Variants in AASS observed in about 807,000 individuals in gnomAD.
AASS encodes the protein aminoadipate-semialdehyde synthase.
AASS carries 86 observed loss-of-function variants against 105.4 expected under a neutral mutation model. The ratio of observed to expected loss-of-function variants is 0.82; its 90% CI spans 0.69 to 0.98. The LOEUF (loss-of-function observed/expected upper bound fraction) is 0.98, where lower values mean the gene tolerates loss of function less well. Among genes scored for constraint, AASS ranks in the 50% least tolerant of loss-of-function variants. AASS has a pLI of 0.00. For synonymous variants in AASS, 381 were observed against 394.8 expected (o/e 0.96, Z 0.41); for missense variants, 1,048 against 1,143.2 (o/e 0.92, Z 1.20).
intron 3 of AASS, among the ~76,000 whole-genome samples, chr7:122,127,035 A>T (rs1795688200): frequency 6.6e-6 from 1 of 152,150 alleles, no homozygotes; most frequent in Non-Finnish European, 1.5e-5. Context: ...CCAAGCACAG[A>T]TATTTTTCTC....
chr7:122,101,154 GA>G (rs34978806), intron 13 of AASS, among the ~76,000 whole-genome samples: 15,676 of 151,846 alleles, frequency 0.1, 1,130 homozygotes, highest in African/African-American at 0.2. Context: ...CAGGCTATTA[GA>G]AAGCCAAAAT....
chr7:122,120,845 T>C (rs1019314901), intron 4 of AASS, among the ~76,000 whole-genome samples: 2 of 152,054 alleles, frequency 1.3e-5, no homozygotes, highest in East Asian at 1.9e-4. Flanking sequence ...CTCCCAAATA[T>C]TTGGAAAATT....
intron 1 of AASS, among the ~76,000 whole-genome samples, chr7:122,142,264 T>C (rs1370654552): frequency 1.3e-5 from 2 of 152,320 alleles, no homozygotes; most frequent in Middle Eastern, 3.4e-3. Context: ...GTGCTGAGCA[T>C]TGCTGTGTGT....
At chr7:122,079,018 G>A (rs1481235231) in intron 21 of AASS, 68 bp from the exon 22 acceptor site, 2 of 1,612,424 alleles carry the variant, frequency 1.2e-6, no homozygotes, top group African/African-American at 2.7e-5. Context: ...GAAGCAAAAG[G>A]GAGCTCCTTG....
chr7:122,086,137 T>C lies in AASS; in HGVS notation c.2059A>G (p.Thr687Ala). ...AGGISFLDAV[T>A]SMDFFPGLNL... ...AATCCTGGAAAAAAATCCATGGACG[T>C]AACGGCATCAAGAAAGGAGATGCCT... The change falls in exon 19 of 24, where the codon ACG becomes GCG. Residue 687 changes from threonine (T) to alanine (A), a missense_variant. By Grantham distance (58) the Thr-to-Ala change is moderately conservative. Coordinates refer to ENST00000417368, the MANE Select transcript of AASS (RefSeq NM_005763.4). 6.2e-7 allele frequency: 1 copy of C among 1,613,536 alleles called. No individual in the cohort carries two copies.
At chr7:122,133,792 G>A in intron 1 of AASS, 51 bp from the exon 2 acceptor site, 1 of 1,489,468 alleles carries the variant, frequency 6.7e-7, no homozygotes, top group East Asian at 2.3e-5. Flanking sequence ...AAGGCTGGCA[G>A]ATCAGTTCTG....
Position 122,113,652 on chromosome 7 carries a change from G to A in AASS, c.1112C>T (p.Thr371Ile), listed in dbSNP as rs756845651. The change falls in exon 10 of 24, where the codon ACA becomes ATA. Residue 371 changes from threonine (T) to isoleucine (I), a missense_variant. By Grantham distance (89) the Thr-to-Ile change is moderately conservative. Coordinates refer to ENST00000417368, the MANE Select transcript of AASS (RefSeq NM_005763.4). ...GSIEFMTECTTIEHPFCMYDA... is the reference protein window; with the variant it reads ...GSIEFMTECTIIEHPFCMYDA... ...ATACATGCAAAAGGGATGCTCTATT[G>A]TTGTACACTCAGTCATAAACTCTAT... The A allele has an allele frequency of 6.8e-6, 11 of 1,613,574 alleles. No individual in the cohort carries two copies. Among genetic ancestry groups the A allele is most frequent in the African/African-American group, 1.3e-5 (1 of 74,980 alleles).
In AASS at chr7:122,126,450, G is replaced by A. The variant is rs773718349; in HGVS notation, c.397C>T (p.Leu133Phe). ...LDEILKQEIR[L>F]IDYEKMVDHR... Reference sequence around the variant, plus strand: ...TCCACCATTTTCTCATAATCAATAAGGCGAATTTCCTGAAAAGAGGATAAA... The same window carrying A: ...TCCACCATTTTCTCATAATCAATAAAGCGAATTTCCTGAAAAGAGGATAAA... The change falls in exon 4 of 24, where the codon CTT (leucine) becomes TTT (phenylalanine). Residue 133 changes from leucine to phenylalanine, a missense_variant. Physicochemically the swap from Leu to Phe is conservative, Grantham distance 22. Transcript: ENST00000417368. 2 of 1,613,482 alleles carry A rather than the reference G, an allele frequency of 1.2e-6. No individual in the cohort carries two copies. The highest frequency in any genetic ancestry group is 2.2e-5 in the East Asian group (1 of 44,848).
At chr7:122,126,337 A>G (rs1795654497) in intron 4 of AASS, 38 bp downstream of exon 4, 7 of 1,578,828 alleles carry the variant, frequency 4.4e-6, no homozygotes, top group Non-Finnish European at 5.2e-6. Flanking sequence ...CCCCAAGCCA[A>G]TTTAGGAAGT....
chr7:122,115,097 T>C lies in AASS; in HGVS notation c.1020A>G (p.Glu340=), dbSNP rs1348779225. 6.2e-7 allele frequency: 1 copy of C among 1,614,148 alleles called. No individual in the cohort carries two copies. Among genetic ancestry groups the C allele is most frequent in the Non-Finnish European group, 8.5e-7 (1 of 1,180,012 alleles). ...ACTTGTGTGGTAATGCAGGGCAGCCTTCCACACCAGCAGGTGAGAACTTGC... is the reference window on the plus strand; with the variant it reads ...ACTTGTGTGGTAATGCAGGGCAGCCCTCCACACCAGCAGGTGAGAACTTGC... ...APGKFSPAGV[E]GCPALPHKLV... Residue 340 remains glutamate (E), a synonymous_variant, in exon 9 of 24, where the codon GAA becomes GAG. Transcript: ENST00000417368.
chr7:122,086,286 T>G lies in AASS; in HGVS notation c.2017-107A>C. On this transcript the variant is annotated intron_variant, in intron 18 of 23. Transcript: ENST00000417368. ...AGCAACAGAAATTTGAAAAAAAAAATAAAAATAATGAAACCACCATAATCA... is the reference window on the plus strand; with the variant it reads ...AGCAACAGAAATTTGAAAAAAAAAAGAAAAATAATGAAACCACCATAATCA... The G allele has an allele frequency of 3.6e-6, 4 of 1,106,182 alleles. No homozygotes were observed. The South Asian group carries it at 5.7e-5, about 16-fold the overall frequency. 68.5% of individuals were successfully genotyped at this position (1,106,182 alleles called of 1,614,324 possible).
intron 11 of AASS, among the ~76,000 whole-genome samples, chr7:122,102,893 C>T (rs1289926839): frequency 6.6e-6 from 1 of 151,110 alleles, no homozygotes; most frequent in East Asian, 1.9e-4. Flanking sequence ...TTACTGAAAA[C>T]CATAAAAACC....
chr7:122,114,158 G>A (rs1045523983), intron 9 of AASS, among the ~76,000 whole-genome samples: 1 of 152,068 alleles, frequency 6.6e-6, no homozygotes, highest in African/African-American at 2.4e-5. Flanking sequence ...TCAAAAAGTT[G>A]ACTACAATTT....
chr7:122,110,337 TA>T (rs956089861), intron 11 of AASS, among the ~76,000 whole-genome samples: 15 of 146,896 alleles, frequency 1.0e-4, no homozygotes, highest in East Asian at 2.0e-4. Context: ...AGGTTATTAC[TA>T]AAAAAAAAAT....
chr7:122,074,847 C>A lies in AASS; in HGVS notation c.*1642G>T, dbSNP rs997822010. On this transcript the variant is annotated 3_prime_UTR_variant, in exon 24 of 24. Transcript: ENST00000417368. ...GGTATTTTACTCTTTCTGATGCTGT[C>A]AATTTTTTTCTTTTCTTTTTTGTTT... Among the ~76,000 whole-genome samples the A allele has an allele frequency of 6.6e-6, 1 of 151,198 alleles. No individual in the cohort carries two copies. The highest frequency in any genetic ancestry group is 2.4e-5 in the African/African-American group (1 of 41,258).
rs1452452550 is a variant in AASS at position 122,118,404 on chromosome 7, G to A, written c.590C>T (p.Ala197Val). 6.2e-7 allele frequency: 1 copy of A among 1,614,172 alleles called. No homozygotes were observed. The highest frequency in any genetic ancestry group is 8.5e-7 in the Non-Finnish European group (1 of 1,180,024). Residue 197 changes from alanine to valine, a missense_variant, in exon 6 of 24, where the codon GCT becomes GTT. Transcript: ENST00000417368. Reference protein sequence around the residue: ...NYRNSSQAVQAVRDAGYEISL... With the variant: ...NYRNSSQAVQVVRDAGYEISL... ...TATTTCATAGCCAGCATCACGGACA[G>A]CTTGCACAGCCTGACTGCTATTCCT...
chr7:122,133,968 G>A (rs1416299569), intron 1 of AASS: 3 of 555,558 alleles, frequency 5.4e-6, no homozygotes, highest in Non-Finnish European at 9.6e-6. Flanking sequence ...AGCAACGTGT[G>A]TGACACCATC....
chr7:122,106,901 C>G (rs1366993203), intron 11 of AASS, among the ~76,000 whole-genome samples: 1 of 151,838 alleles, frequency 6.6e-6, no homozygotes, highest in Non-Finnish European at 1.5e-5. Flanking sequence ...CAAATGGGAT[C>G]TAATTAAACT....
chr7:122,126,522 A>C (rs1795663917), intron 3 of AASS, 63 bp from the exon 4 acceptor site: 4 of 1,296,330 alleles, frequency 3.1e-6, no homozygotes, highest in Non-Finnish European at 4.5e-6. Flanking sequence ...AAGTAAAGAC[A>C]TATATGAGCA....
Sources: gnomAD v4.1 joint callset for allele counts (sites outside exome capture counted in the v4.1 genomes callset) on GRCh38, gnomAD v4.1.1 for gene constraint, MANE v1.5 for transcripts, NCBI Gene and HGNC (gene_info 2026-07-23, HGNC 2026-07-21) for gene names.